The following CLASP2 variants were observed in gnomAD, a reference collection of about 807,000 sequenced individuals.
CLASP2 encodes cytoplasmic linker associated protein 2, also known as CLIP-associating protein 2.
Under a neutral mutation model 194.4 loss-of-function variants are expected in CLASP2, and 47 were observed. The ratio of observed to expected loss-of-function variants is 0.24; its 90% CI spans 0.19 to 0.31. The LOEUF (loss-of-function observed/expected upper bound fraction) is 0.31, where lower values mean the gene tolerates loss of function less well. Among genes scored for constraint, CLASP2 ranks in the 10% least tolerant of loss-of-function variants. The pLI, the probability that CLASP2 is intolerant of heterozygous loss-of-function variation, is 1.00. For missense variants in CLASP2, 1,445 were observed against 1,823.6 expected (o/e 0.79, Z 3.78); for synonymous variants, 619 against 633.5 (o/e 0.98, Z 0.34).
At chr3:33,615,781 T>C (rs192502751) in intron 12 of CLASP2, among the ~76,000 whole-genome samples, 1 of 151,936 alleles carries the variant, frequency 6.6e-6, no homozygotes, top group African/African-American at 2.4e-5. Flanking sequence ...CAGAATGTCA[T>C]GAAACTAAAA....
intron 29 of CLASP2, 138 bp downstream of exon 29, chr3:33,559,169 T>G (rs761025922): frequency 2.8e-6 from 2 of 712,888 alleles, no homozygotes; most frequent in South Asian, 3.0e-5. Context: ...AGTGCTGGCT[T>G]GACTGTCTGA....
chr3:33,506,377 C>CAAAA lies in CLASP2; in HGVS notation c.4317+4180_4317+4181insTTTT, dbSNP rs2048189726. 1.2e-3 allele frequency among the ~76,000 whole-genome samples: 74 copies of CAAAA among 61,872 alleles called. 17 individuals carry two copies. The highest frequency in any genetic ancestry group is 0.025 in the Middle Eastern group (2 of 80). 40.6% of individuals were successfully genotyped at this position (61,872 alleles called of 152,430 possible). On this transcript the variant is annotated intron_variant, in intron 37 of 38. Coordinates refer to ENST00000682230, the MANE Select transcript of CLASP2 (RefSeq NM_001365631.1). ...TGGGTGACAGAGTGAGACTCTGTCT[C>CAAAA]GAAAAAAAAAAAAAAAAAAAAAAAA... is the stretch of plus-strand genomic sequence containing the variant.
chr3:33,594,662 G>T (rs1294097282), intron 20 of CLASP2, among the ~76,000 whole-genome samples: 1 of 149,622 alleles, frequency 6.7e-6, no homozygotes, highest in Non-Finnish European at 1.5e-5. Flanking sequence ...TATAAAAAAT[G>T]AATTATATGC....
intron 35 of CLASP2, 75 bp from the exon 36 acceptor site, chr3:33,516,226 T>G (rs112733751): frequency 9.3e-6 from 13 of 1,395,372 alleles, no homozygotes; most frequent in Middle Eastern, 2.4e-4. Flanking sequence ...TTTTGTAACT[T>G]AAGGGTCTTA....
intron 23 of CLASP2, among the ~76,000 whole-genome samples, chr3:33,581,458 A>C (rs1398148786): frequency 6.6e-6 from 1 of 152,360 alleles, no homozygotes; most frequent in African/African-American, 2.4e-5. Flanking sequence ...TGAAAAAGAC[A>C]AAAGTATTTT....
At chr3:33,675,938 A>G (rs1407960426) in intron 6 of CLASP2, among the ~76,000 whole-genome samples, 1 of 151,572 alleles carries the variant, frequency 6.6e-6, no homozygotes, top group African/African-American at 2.4e-5. Context: ...TAAAGAGGAT[A>G]CAAACAAATG....
rs558083761 is a variant in CLASP2, at chr3:33,661,083, C to T, written c.715+2362G>A. ...TATCATGGGCTGGGATGAAACACAC[C>T]GTAATTTTTCTCATTAACACTGGTG... On this transcript the variant is annotated intron_variant, in intron 7 of 38. Coordinates refer to ENST00000682230, the MANE Select transcript of CLASP2 (RefSeq NM_001365631.1). 4.6e-5 allele frequency among the ~76,000 whole-genome samples: 7 copies of T among 152,208 alleles called. No homozygotes were observed. The East Asian group carries it at 5.8e-4, about 13-fold the overall frequency.
At chr3:33,635,146 G>A (rs2079893137) in intron 8 of CLASP2, among the ~76,000 whole-genome samples, 1 of 151,382 alleles carries the variant, frequency 6.6e-6, no homozygotes, top group Admixed American at 6.6e-5. Flanking sequence ...TGTAATCTCA[G>A]CTACTTGGGA....
At chr3:33,682,448 T>C (rs1015452828) in intron 6 of CLASP2, among the ~76,000 whole-genome samples, 16 of 152,170 alleles carry the variant, frequency 1.1e-4, no homozygotes, top group African/African-American at 3.9e-4. Flanking sequence ...AACCAAGTAA[T>C]AGGTAAATGA....
chr3:33,564,051 C>T (rs555901343), intron 27 of CLASP2: 12 of 395,888 alleles, frequency 3.0e-5, no homozygotes, highest in South Asian at 1.3e-4. Context: ...TTAGAACTCA[C>T]AGAGGGGCAA....
chr3:33,606,588 T>C lies in CLASP2; in HGVS notation c.1694+3A>G. The C allele has an allele frequency of 1.2e-6, 2 of 1,611,382 alleles. No homozygotes were observed. The highest frequency in any genetic ancestry group is 1.7e-6 in the Non-Finnish European group (2 of 1,178,398). On this transcript the variant is annotated splice_donor_region_variant and intron_variant, in intron 16 of 38. Coordinates refer to ENST00000682230, the MANE Select transcript of CLASP2 (RefSeq NM_001365631.1). Reference sequence around the variant, plus strand: ...CTAGTAATCATTATTTATATGACCTTACTTGAGACTTTCCTGTGAGCTGGA... The same window carrying C: ...CTAGTAATCATTATTTATATGACCTCACTTGAGACTTTCCTGTGAGCTGGA...
intron 29 of CLASP2, among the ~76,000 whole-genome samples, chr3:33,556,504 C>G (rs2060949010): frequency 6.6e-6 from 1 of 151,292 alleles, no homozygotes; most frequent in Non-Finnish European, 1.5e-5. Context: ...GGCGCAGACT[C>G]GGCTCACTGC....
chr3:33,610,797 CCT>C (rs2154265192), intron 13 of CLASP2, among the ~76,000 whole-genome samples: 1 of 152,242 alleles, frequency 6.6e-6, no homozygotes, highest in Admixed American at 6.5e-5. Context: ...TTTGCTGACC[CCT>C]GACATAAGAC....
chr3:33,545,076 T>C (rs1401495972), intron 30 of CLASP2: 3 of 311,316 alleles, frequency 9.6e-6, no homozygotes, highest in Non-Finnish European at 1.7e-5. Context: ...AAATATGACC[T>C]AACAGACAAT....
intron 6 of CLASP2, among the ~76,000 whole-genome samples, chr3:33,677,166 A>G (rs1238680205): frequency 6.6e-6 from 1 of 152,160 alleles, no homozygotes; most frequent in African/African-American, 2.4e-5. Context: ...GGGATCTACA[A>G]CTAGAAATAC....
intron 1 of CLASP2, among the ~76,000 whole-genome samples, chr3:33,701,052 T>A (rs981299024): frequency 2.6e-5 from 4 of 152,212 alleles, no homozygotes; most frequent in African/African-American, 4.8e-5. Context: ...AAATGGTATA[T>A]ACACACATAC....
intron 34 of CLASP2, among the ~76,000 whole-genome samples, chr3:33,523,175 T>A (rs2053618806): frequency 6.6e-6 from 1 of 152,176 alleles, no homozygotes; most frequent in African/African-American, 2.4e-5. Flanking sequence ...CTAAGGGATA[T>A]GTGAGACATC....
intron 9 of CLASP2, 23 bp from the exon 10 acceptor site, chr3:33,627,103 A>G (rs1238537520): frequency 2.3e-6 from 3 of 1,327,204 alleles, no homozygotes; most frequent in Admixed American, 2.0e-5. Context: ...ATTCAGAATT[A>G]TAACAATGTT....
At chr3:33,707,069 C>T (rs1211154989) in intron 1 of CLASP2, among the ~76,000 whole-genome samples, 1 of 152,132 alleles carries the variant, frequency 6.6e-6, no homozygotes, top group Non-Finnish European at 1.5e-5. Context: ...CCACTAGCAC[C>T]ACATTGCAGT....
Sources: gnomAD v4.1 joint callset for allele counts (sites outside exome capture counted in the v4.1 genomes callset) on GRCh38, gnomAD v4.1.1 for gene constraint, MANE v1.5 for transcripts, NCBI Gene and HGNC (gene_info 2026-07-23, HGNC 2026-07-21) for gene names.